Variants in GABBR2 observed in about 807,000 individuals in gnomAD.
GABBR2 encodes gamma-aminobutyric acid type B receptor subunit 2, also known as G-protein coupled receptor 51.
In GABBR2, 23 loss-of-function variants were observed where a neutral mutation model predicts 105.6. The ratio of observed to expected loss-of-function variants is 0.22; its 90% CI spans 0.16 to 0.31. GABBR2 has a LOEUF of 0.31. Ranked by LOEUF, GABBR2 falls within the 10% of genes least tolerant of loss-of-function variation. GABBR2 has a pLI of 1.00. For synonymous variants in GABBR2, 478 were observed against 499.7 expected (o/e 0.96, Z 0.58); for missense variants, 734 against 1,245.5 (o/e 0.59, Z 6.18).
intron 13 of GABBR2, among the ~76,000 whole-genome samples, chr9:98,353,094 C>A (rs906322226): frequency 3.3e-5 from 5 of 152,060 alleles, no homozygotes; most frequent in Admixed American, 6.5e-5. Context: ...AAGCTAATGG[C>A]CTGTGAGTAC....
intron 6 of GABBR2, among the ~76,000 whole-genome samples, chr9:98,456,605 C>T (rs1379308691): frequency 1.3e-5 from 2 of 152,174 alleles, no homozygotes; most frequent in African/African-American, 4.8e-5. Flanking sequence ...CCTTTTTAGG[C>T]CTCAGTTTCT....
chr9:98,390,198 A>G (rs1832153847), intron 9 of GABBR2, among the ~76,000 whole-genome samples: 1 of 152,026 alleles, frequency 6.6e-6, no homozygotes, highest in African/African-American at 2.4e-5. Context: ...AACATGGGGA[A>G]ACCCCGTCTC....
chr9:98,428,613 G>A (rs1397588933), intron 7 of GABBR2, among the ~76,000 whole-genome samples: 1 of 152,182 alleles, frequency 6.6e-6, no homozygotes, highest in Admixed American at 6.5e-5. Flanking sequence ...TCTATGCAGG[G>A]ATGGATCACA....
chr9:98,703,292 A>G (rs1047164456), intron 1 of GABBR2, among the ~76,000 whole-genome samples: 1 of 152,122 alleles, frequency 6.6e-6, no homozygotes, highest in Admixed American at 6.5e-5. Context: ...CCTGGATTTG[A>G]CCATGCCTGC....
intron 2 of GABBR2, among the ~76,000 whole-genome samples, chr9:98,543,281 T>C (rs1405472111): frequency 6.6e-6 from 1 of 152,002 alleles, no homozygotes; most frequent in Admixed American, 6.5e-5. Context: ...AAAGATGTTA[T>C]CTGGTTATAG....
At chr9:98,644,238 T>C (rs532525090) in intron 1 of GABBR2, among the ~76,000 whole-genome samples, 30 of 152,294 alleles carry the variant, frequency 2.0e-4, no homozygotes, top group Non-Finnish European at 3.7e-4. Context: ...CATAGACACA[T>C]GATCACTGAC....
intron 2 of GABBR2, among the ~76,000 whole-genome samples, chr9:98,568,194 T>C (rs1312258071): frequency 5.3e-5 from 8 of 152,118 alleles, no homozygotes; most frequent in Non-Finnish European, 1.2e-4. Flanking sequence ...AGCTGTGGAA[T>C]GAACCTCCCC....
At position 98,289,932 on chromosome 9, in the gene GABBR2, C is replaced by G. The variant is rs1247898655; in HGVS notation, c.*652G>C. ...TGGCATTTACCAGAGTAACAAACAT[C>G]TCATTGGGTGACACAGGTCCCATGT... On this transcript the variant is annotated 3_prime_UTR_variant, in exon 19 of 19. Transcript: ENST00000259455. 1.3e-5 allele frequency: 2 copies of G among 152,478 alleles called. No individual in the cohort carries two copies. The highest frequency in any genetic ancestry group is 6.5e-5 in the Admixed American group (1 of 15,290). 9.4% of individuals were successfully genotyped at this position (152,478 alleles called of 1,614,324 possible).
At chr9:98,494,098 T>C (rs991876170) in intron 4 of GABBR2, among the ~76,000 whole-genome samples, 1 of 152,110 alleles carries the variant, frequency 6.6e-6, no homozygotes, top group African/African-American at 2.4e-5. Context: ...TGTGATGCAG[T>C]GGTGAGCCAC....
At chr9:98,301,718 CTTCA>C (rs1489598953) in intron 16 of GABBR2, among the ~76,000 whole-genome samples, 3 of 152,300 alleles carry the variant, frequency 2.0e-5, no homozygotes, top group African/African-American at 7.2e-5. Context: ...TGACTGAACT[CTTCA>C]TTGCTGAAGT....
At chr9:98,646,985 G>A (rs550499792) in intron 1 of GABBR2, among the ~76,000 whole-genome samples, 1 of 152,308 alleles carries the variant, frequency 6.6e-6, no homozygotes, top group South Asian at 2.1e-4. Flanking sequence ...CTATCCAGGG[G>A]TCCCCCATGA....
chr9:98,359,876 G>A (rs1831552723), intron 13 of GABBR2, among the ~76,000 whole-genome samples: 2 of 152,208 alleles, frequency 1.3e-5, no homozygotes, highest in Non-Finnish European at 2.9e-5. Context: ...GGGATGCTGG[G>A]GGAGGAAGTG....
chr9:98,386,455 A>T (rs1454373913), intron 10 of GABBR2, among the ~76,000 whole-genome samples: 1 of 152,138 alleles, frequency 6.6e-6, no homozygotes, highest in Non-Finnish European at 1.5e-5. Context: ...TCACCGGGTG[A>T]CAGAGGGAGA....
intron 1 of GABBR2, chr9:98,580,993 AGAAACTCCTCTGATCTGT>A (rs1828993523): frequency 1.3e-5 from 2 of 152,142 alleles, no homozygotes; most frequent in African/African-American, 4.8e-5. Flanking sequence ...CATTTATTTG[AGAAACTCCTCTGATCTGT>A]GACCCATGTC....
intron 7 of GABBR2, among the ~76,000 whole-genome samples, chr9:98,435,664 G>A (rs952886887): frequency 2.0e-5 from 3 of 152,118 alleles, no homozygotes. Flanking sequence ...CTTTATTCCA[G>A]CCACACTGGC....
intron 1 of GABBR2, among the ~76,000 whole-genome samples, chr9:98,687,533 G>C (rs1287399878): frequency 1.3e-5 from 2 of 152,166 alleles, no homozygotes; most frequent in Non-Finnish European, 2.9e-5. Flanking sequence ...AGAGGAGCCT[G>C]ACTAAAGTTT....
Position 98,708,553 on chromosome 9 carries a change from A to C in GABBR2, c.185T>G (p.Met62Arg). 6.3e-7 allele frequency: 1 copy of C among 1,589,518 alleles called. No homozygotes were observed. Among genetic ancestry groups the C allele is most frequent in the Non-Finnish European group, 8.5e-7 (1 of 1,172,116 alleles). ...CTTGGCCACCTCCTTGGTGAGCGGCATGAGGCCCATGATGGAGAGCGGCGG... is the reference window on the plus strand; with the variant it reads ...CTTGGCCACCTCCTTGGTGAGCGGCCTGAGGCCCATGATGGAGAGCGGCGG... ...SSPPLSIMGL[M>R]PLTKEVAKGS... The change falls in exon 1 of 19, where the codon ATG becomes AGG. Residue 62 changes from methionine to arginine, a missense_variant. Transcript: ENST00000259455.
rs1830696597 is a variant in GABBR2 at position 98,315,304 on chromosome 9, C to A, written c.1894-4099G>T. Among the ~76,000 whole-genome samples, 5 of 152,168 alleles carry A rather than the reference C, an allele frequency of 3.3e-5. 1 individual carries two copies. The highest frequency in any genetic ancestry group is 3.3e-4 in the Admixed American group (5 of 15,278). On this transcript the variant is annotated intron_variant, in intron 13 of 18. Transcript: ENST00000259455. ...CTGGGGTGGCCGAGCTGCTCCCACA[C>A]CCACCTTCCCCATATTCAGGTGCTG...
At chr9:98,703,209 A>C (rs969514318) in intron 1 of GABBR2, among the ~76,000 whole-genome samples, 1 of 152,238 alleles carries the variant, frequency 6.6e-6, no homozygotes, top group Non-Finnish European at 1.5e-5. Flanking sequence ...CCTGCCTGAG[A>C]GTGAAGCCAA....
Sources: gnomAD v4.1 joint callset for allele counts (sites outside exome capture counted in the v4.1 genomes callset) on GRCh38, gnomAD v4.1.1 for gene constraint, MANE v1.5 for transcripts, NCBI Gene and HGNC (gene_info 2026-07-23, HGNC 2026-07-21) for gene names.